The following PC variants were observed in gnomAD, a reference collection of about 807,000 sequenced individuals.
The protein encoded by PC is pyruvate carboxylase, also known as pyruvate carboxylase, mitochondrial.
Under a neutral mutation model 107.8 loss-of-function variants are expected in PC, and 46 were observed. That is an observed-to-expected ratio of 0.43 (90% CI 0.34 to 0.55). PC has a LOEUF of 0.55. Ranked by LOEUF, PC falls within the 20% of genes least tolerant of loss-of-function variation. The pLI, the probability that PC is intolerant of heterozygous loss-of-function variation, is 0.04. For synonymous variants in PC, 662 were observed against 684.7 expected (o/e 0.97, Z 0.52); for missense variants, 1,241 against 1,643.1 (o/e 0.76, Z 4.23).
chr11:66,860,149 G>C (rs747806908), intron 12 of PC: 85 of 1,548,406 alleles, frequency 5.5e-5, no homozygotes, highest in Non-Finnish European at 7.0e-5. Flanking sequence ...GCAGGGTGCC[G>C]GGGGGTAGGA....
intron 10 of PC, among the ~76,000 whole-genome samples, chr11:66,867,782 G>A (rs1218098581): frequency 6.6e-6 from 1 of 152,248 alleles, no homozygotes; most frequent in Non-Finnish European, 1.5e-5. Flanking sequence ...AGCAGCTTGA[G>A]GGGAAGAGTC....
At chr11:66,861,709 G>C (rs902996075) in intron 12 of PC, among the ~76,000 whole-genome samples, 5 of 152,172 alleles carry the variant, frequency 3.3e-5, no homozygotes, top group Admixed American at 6.5e-5. Context: ...GCGCTAGCAT[G>C]AGGCTCAGGA....
At chr11:66,882,322 C>G (rs1947213374) in intron 3 of PC, among the ~76,000 whole-genome samples, 1 of 152,212 alleles carries the variant, frequency 6.6e-6, no homozygotes, top group Non-Finnish European at 1.5e-5. Flanking sequence ...AGCTGAGGCC[C>G]CACATCGCTT....
intron 3 of PC, among the ~76,000 whole-genome samples, chr11:66,885,973 A>G (rs1035398979): frequency 6.6e-6 from 1 of 152,182 alleles, no homozygotes; most frequent in African/African-American, 2.4e-5. Flanking sequence ...CCCCCCTCTC[A>G]TCCGCACATC....
intron 3 of PC, among the ~76,000 whole-genome samples, chr11:66,906,662 T>G (rs368694821): frequency 2.5e-4 from 38 of 152,006 alleles, no homozygotes; most frequent in African/African-American, 8.2e-4. Flanking sequence ...TACACACACA[T>G]GCACACTGCA....
intron 3 of PC, among the ~76,000 whole-genome samples, chr11:66,875,889 G>A (rs145682795): frequency 6.6e-6 from 1 of 152,152 alleles, no homozygotes; most frequent in East Asian, 1.9e-4. Flanking sequence ...CACTAGCACC[G>A]AAGGGATACC....
In PC at chr11:66,927,027, G is replaced by A. The variant is rs574654201; in HGVS notation, c.-1+25403C>T. ...TGTTTTGAGACGGAGTTTTGCTCTC[G>A]TCGCCCAGGCTGGAGTGCAATGGCA... On this transcript the variant is annotated intron_variant, in intron 3 of 22. Transcript: ENST00000393960. Among the ~76,000 whole-genome samples, 28 of 149,398 alleles carry A rather than the reference G, an allele frequency of 1.9e-4. No homozygotes were observed. In the East Asian group the frequency reaches 2.2e-3, roughly 12 times the overall value.
At chr11:66,878,750 G>A (rs1025441629) in intron 3 of PC, among the ~76,000 whole-genome samples, 24 of 152,232 alleles carry the variant, frequency 1.6e-4, no homozygotes, top group African/African-American at 5.8e-4. Context: ...GGGCACGGGA[G>A]CTCTTTGGGT....
chr11:66,896,697 G>C (rs531723662), intron 3 of PC, among the ~76,000 whole-genome samples: 4 of 152,356 alleles, frequency 2.6e-5, no homozygotes, highest in African/African-American at 9.6e-5. Context: ...CACGAAAGCA[G>C]CAAGAACATA....
chr11:66,860,712 T>TAA (rs1351276638), intron 12 of PC: 2 of 700,542 alleles, frequency 2.9e-6, no homozygotes, highest in African/African-American at 1.7e-5. Context: ...CCCTCGCCTG[T>TAA]AAGTGCAAAG....
chr11:66,852,813 T>G lies in PC; in HGVS notation c.1537A>C (p.Thr513Pro). The change falls in exon 14 of 23, where the codon ACC becomes CCC. Residue 513 changes from threonine to proline, a missense_variant. Transcript: ENST00000393960. This position sits in a 1 kb window ranked among gnomAD's most constrained non-coding sequence, Gnocchi z 4.7. Reference sequence around the variant, plus strand: ...CTGGCCTTGACGGGAATCGGGGTGGTTGGACCGTTTACCATGACATGGCCT... The same window carrying G: ...CTGGCCTTGACGGGAATCGGGGTGGGTGGACCGTTTACCATGACATGGCCT... Reference protein sequence around the residue: ...YLGHVMVNGPTTPIPVKASPS... With the variant: ...YLGHVMVNGPPTPIPVKASPS... The G allele has an allele frequency of 6.3e-7, 1 of 1,580,666 alleles. No homozygotes were observed. The highest frequency in any genetic ancestry group is 8.6e-7 in the Non-Finnish European group (1 of 1,159,916).
intron 3 of PC, among the ~76,000 whole-genome samples, chr11:66,934,098 G>T (rs139088588): frequency 6.6e-6 from 1 of 152,194 alleles, no homozygotes; most frequent in Non-Finnish European, 1.5e-5. Flanking sequence ...CTCATCACCT[G>T]GCCTCACTCC....
chr11:66,862,443 C>T (rs1013847676), intron 12 of PC, among the ~76,000 whole-genome samples: 7 of 152,246 alleles, frequency 4.6e-5, no homozygotes, highest in Non-Finnish European at 8.8e-5. Context: ...CATGCCCCCC[C>T]ATCCCCCAAG....
At chr11:66,861,763 G>A (rs796820037) in intron 12 of PC, among the ~76,000 whole-genome samples, 24 of 152,214 alleles carry the variant, frequency 1.6e-4, no homozygotes, top group African/African-American at 5.8e-4. Flanking sequence ...CATTTGGGGA[G>A]GACTTGGCAC....
intron 10 of PC, among the ~76,000 whole-genome samples, chr11:66,867,862 G>T (rs952709683): frequency 6.6e-6 from 1 of 152,208 alleles, no homozygotes; most frequent in Non-Finnish European, 1.5e-5. Context: ...CCATGCCCCC[G>T]GCGAGCCACA....
At chr11:66,859,391 G>T (rs1482580176) in intron 12 of PC, among the ~76,000 whole-genome samples, 1 of 152,152 alleles carries the variant, frequency 6.6e-6, no homozygotes, top group East Asian at 1.9e-4. Flanking sequence ...GCCCGCGCCC[G>T]CGTGTTATTT....
chr11:66,915,715 G>C (rs550990332), intron 3 of PC, among the ~76,000 whole-genome samples: 1 of 152,326 alleles, frequency 6.6e-6, no homozygotes, highest in East Asian at 1.9e-4. Flanking sequence ...GGCATGCCAG[G>C]TTCCGAGACT....
Position 66,858,677 on chromosome 11 carries a change from C to A in PC, c.1368+5097G>T. On this transcript the variant is annotated intron_variant, in intron 12 of 22. Coordinates refer to ENST00000393960, the MANE Select transcript of PC (RefSeq NM_001040716.2). The surrounding 1 kb of genome is among the most constrained non-coding windows in gnomAD (Gnocchi z 5.9). The stretch of plus-strand genomic sequence containing the variant: ...GGGCCCTGGGTGACCCCGCGCCTAC[C>A]ATGCACTGGGTCGGTCCTGACGACC... The A allele has an allele frequency of 6.5e-7, 1 of 1,546,548 alleles. No individual in the cohort carries two copies.
chr11:66,887,889 CG>C (rs2136001608), intron 3 of PC, among the ~76,000 whole-genome samples: 1 of 152,368 alleles, frequency 6.6e-6, no homozygotes, highest in South Asian at 2.1e-4. Context: ...GGCAGGGCTG[CG>C]CCCCTCCGAG....
Sources: gnomAD v4.1 joint callset for allele counts (sites outside exome capture counted in the v4.1 genomes callset) on GRCh38, gnomAD v4.1.1 for gene constraint, Gnocchi (gnomAD v3.1) non-coding constraint, MANE v1.5 for transcripts, NCBI Gene and HGNC (gene_info 2026-07-23, HGNC 2026-07-21) for gene names.